STXBP4: variants seen among roughly 807,000 people sequenced by gnomAD.
STXBP4 encodes the protein syntaxin binding protein 4.
In STXBP4, 55 loss-of-function variants were observed where a neutral mutation model predicts 76.1. That is an observed-to-expected ratio of 0.72 (90% CI 0.58 to 0.91). The LOEUF (loss-of-function observed/expected upper bound fraction) is 0.91. Ranked by LOEUF, STXBP4 falls within the 40% of genes least tolerant of loss-of-function variation. The pLI, the probability that STXBP4 is intolerant of heterozygous loss-of-function variation, is 0.00. For missense variants in STXBP4, 618 were observed against 636.9 expected (o/e 0.97, Z 0.32); for synonymous variants, 201 against 220.2 (o/e 0.91, Z 0.77).
intron 12 of STXBP4, among the ~76,000 whole-genome samples, chr17:55,053,310 AT>A (rs1038593709): frequency 1.3e-4 from 20 of 152,076 alleles, no homozygotes; most frequent in Admixed American, 1.2e-3. Context: ...CATGATATAT[AT>A]AACTTACCCT....
rs936313435 is a variant in STXBP4, at chr17:55,162,407, C to G, written c.*2496C>G. On this transcript the variant is annotated 3_prime_UTR_variant, in exon 18 of 18. Coordinates refer to ENST00000376352, the MANE Select transcript of STXBP4 (RefSeq NM_178509.6). ...TTAGAAAATCTGAATGTTCTTATGT[C>G]CTTCCGTCTCACTTTACTAGAGTGC... 6.6e-6 allele frequency: 1 copy of G among 152,092 alleles called. No individual in the cohort carries two copies. The highest frequency in any genetic ancestry group is 2.4e-5 in the African/African-American group (1 of 41,414). 9.4% of individuals were successfully genotyped at this position (152,092 alleles called of 1,614,324 possible). A position where few individuals can be genotyped will look rare whatever the true frequency, so the allele number is the denominator to read the frequency against.
chr17:55,079,348 A>G (rs2079227873), intron 15 of STXBP4, among the ~76,000 whole-genome samples: 1 of 152,178 alleles, frequency 6.6e-6, no homozygotes. Flanking sequence ...AGACATTTAC[A>G]AAAGAAAGAT....
intron 4 of STXBP4, among the ~76,000 whole-genome samples, chr17:54,994,935 CCA>C (rs913578438): frequency 3.3e-5 from 5 of 152,094 alleles, no homozygotes; most frequent in Non-Finnish European, 1.5e-5. Flanking sequence ...CTGCTTTCCC[CCA>C]GTCTAGGCTA....
chr17:55,025,548 C>T (rs893814692), intron 8 of STXBP4, among the ~76,000 whole-genome samples: 1 of 152,040 alleles, frequency 6.6e-6, no homozygotes, highest in Non-Finnish European at 1.5e-5. Context: ...ACGTGATGGT[C>T]TCAATAGACA....
intron 16 of STXBP4, among the ~76,000 whole-genome samples, chr17:55,086,329 A>G (rs2079328112): frequency 6.6e-6 from 1 of 152,176 alleles, no homozygotes; most frequent in South Asian, 2.1e-4. Flanking sequence ...TACACATAAT[A>G]TACAATAGTC....
At chr17:54,975,367 C>T (rs754117767) in intron 1 of STXBP4, among the ~76,000 whole-genome samples, 4 of 152,110 alleles carry the variant, frequency 2.6e-5, no homozygotes, top group Non-Finnish European at 5.9e-5. Context: ...TTGGGCCCTG[C>T]AATTTATGCA....
intron 12 of STXBP4, among the ~76,000 whole-genome samples, chr17:55,048,160 G>T (rs186866995): frequency 1.6e-4 from 25 of 152,024 alleles, no homozygotes; most frequent in African/African-American, 5.1e-4. Flanking sequence ...CATTGTTTCT[G>T]AGGAAGAACC....
At chr17:55,116,999 A>G (rs892939949) in intron 16 of STXBP4, among the ~76,000 whole-genome samples, 4 of 151,868 alleles carry the variant, frequency 2.6e-5, no homozygotes, top group African/African-American at 9.7e-5. Flanking sequence ...TAAGATAAGC[A>G]TAATTAAGAA....
intron 12 of STXBP4, among the ~76,000 whole-genome samples, chr17:55,056,234 G>A (rs2078921454): frequency 6.6e-6 from 1 of 151,910 alleles, no homozygotes; most frequent in Admixed American, 6.6e-5. Context: ...TATTACTTTA[G>A]CATGCAGTAA....
chr17:55,201,253 C>T, the STXBP4 span, among the ~76,000 whole-genome samples: 2 of 152,062 alleles, frequency 1.3e-5, no homozygotes, highest in African/African-American at 4.8e-5. Context: ...GTCAGCTAAG[C>T]TTTGGTATTT....
chr17:55,170,712 C>A lies in STXBP4; in HGVS notation c.*10801C>A, dbSNP rs2080401519. The stretch of plus-strand genomic sequence containing the variant: ...TGTTATGGCCATGAATGAGGCCTGA[C>A]CTGCATTGTCAATAACTAAATTGAT... On this transcript the variant is annotated 3_prime_UTR_variant, in exon 18 of 18. Transcript: ENST00000376352. The A allele has an allele frequency of 6.6e-6, 1 of 152,120 alleles. No homozygotes were observed. The highest frequency in any genetic ancestry group is 2.4e-5 in the African/African-American group (1 of 41,450). The allele number at this position is 152,120 out of a possible 1,614,324, so 9.4% of individuals were successfully genotyped here.
intron 16 of STXBP4, among the ~76,000 whole-genome samples, chr17:55,112,206 C>T (rs1475986851): frequency 1.3e-5 from 2 of 152,128 alleles, no homozygotes; most frequent in Admixed American, 6.6e-5. Context: ...AGGCATGAGC[C>T]ACCATGCCCA....
intron 16 of STXBP4, among the ~76,000 whole-genome samples, chr17:55,082,682 GC>G (rs1357960889): frequency 6.6e-6 from 1 of 151,906 alleles, no homozygotes; most frequent in East Asian, 1.9e-4. Context: ...TTCCAAAAAT[GC>G]CCCCTAGGTG....
intron 17 of STXBP4, among the ~76,000 whole-genome samples, chr17:55,144,009 A>G (rs12600844): frequency 0.041 from 2,797 of 68,642 alleles, 90 homozygotes; most frequent in African/African-American, 0.13. Flanking sequence ...CCACCTGCAC[A>G]CACACACACA....
intron 9 of STXBP4, among the ~76,000 whole-genome samples, chr17:55,032,598 C>G (rs902363060): frequency 1.2e-4 from 19 of 152,200 alleles, no homozygotes; most frequent in Admixed American, 9.8e-4. Context: ...TATGCATGCT[C>G]TTCTCTGCTC....
intron 16 of STXBP4, among the ~76,000 whole-genome samples, chr17:55,097,524 G>A (rs536362892): frequency 2.8e-4 from 42 of 152,172 alleles, no homozygotes; most frequent in Admixed American, 8.5e-4. Context: ...TTAGCTGGGC[G>A]TGGTGGCGGG....
At chr17:55,054,511 A>G (rs1448664307) in intron 12 of STXBP4, among the ~76,000 whole-genome samples, 1 of 152,116 alleles carries the variant, frequency 6.6e-6, no homozygotes, top group East Asian at 1.9e-4. Flanking sequence ...ACAAAAACAC[A>G]GTGAATTGGC....
At chr17:55,063,450 G>T (rs532457055) in intron 12 of STXBP4, among the ~76,000 whole-genome samples, 1 of 152,290 alleles carries the variant, frequency 6.6e-6, no homozygotes, top group African/African-American at 2.4e-5. Flanking sequence ...AACTGATGCT[G>T]TTAAAGTTCT....
the STXBP4 span, among the ~76,000 whole-genome samples, chr17:55,187,754 C>G: frequency 6.6e-6 from 1 of 152,146 alleles, no homozygotes; most frequent in African/African-American, 2.4e-5. Flanking sequence ...AGCTCCAGCC[C>G]TCTAGAGTTG....
Sources: gnomAD v4.1 joint callset for allele counts (sites outside exome capture counted in the v4.1 genomes callset) on GRCh38, gnomAD v4.1.1 for gene constraint, MANE v1.5 for transcripts, NCBI Gene and HGNC (gene_info 2026-07-23, HGNC 2026-07-21) for gene names.